LEKR1: variants seen among roughly 807,000 people sequenced by gnomAD.
LEKR1 encodes leucine, glutamate and lysine rich 1.
In LEKR1, 59 loss-of-function variants were observed where a neutral mutation model predicts 72.4. The ratio of observed to expected loss-of-function variants is 0.82; its 90% CI spans 0.66 to 1.01. The LOEUF is 1.01. Among genes scored for constraint, LEKR1 ranks in the 50% least tolerant of loss-of-function variants. The probability of loss-of-function intolerance (pLI) is 0.00; values close to 1 mark genes in which losing one functional copy is unlikely to be tolerated. For synonymous variants in LEKR1, 257 were observed against 263.2 expected, an observed-to-expected ratio of 0.98 and a Z score of 0.23; for missense variants, 728 against 759.2, an observed-to-expected ratio of 0.96 and a Z score of 0.48.
intron 11 of LEKR1, among the ~76,000 whole-genome samples, chr3:157,025,872 A>AG (rs1178933997): frequency 6.6e-6 from 1 of 150,736 alleles, no homozygotes; most frequent in Non-Finnish European, 1.5e-5. Flanking sequence ...AAAAAAAAAA[A>AG]AGACTTAATT....
At position 156,926,777 on chromosome 3, in the gene LEKR1, A is replaced by T. The variant is rs1322677106; in HGVS notation, c.384-652A>T. On this transcript the variant is annotated intron_variant, in intron 4 of 12. Transcript: ENST00000356539. ...GATAGATATAACCTCTGCCTTATAG[A>T]TCTTAGTCTACTCAGGGATGTAAAT... 2.0e-5 allele frequency among the ~76,000 whole-genome samples: 3 copies of T among 152,048 alleles called. No homozygotes were observed. The South Asian group carries it at 6.2e-4, about 32-fold the overall frequency.
chr3:156,856,443 A>G (rs190797264), intron 3 of LEKR1, among the ~76,000 whole-genome samples: 5 of 152,234 alleles, frequency 3.3e-5, no homozygotes, highest in African/African-American at 1.2e-4. Flanking sequence ...TCTTTTCTGG[A>G]CGAACTCTAG....
At chr3:156,917,933 C>T (rs902709660) in intron 3 of LEKR1, among the ~76,000 whole-genome samples, 57 of 152,068 alleles carry the variant, frequency 3.7e-4, no homozygotes, top group African/African-American at 1.3e-3. Flanking sequence ...AAGGCTACCT[C>T]CTGGTAAAGA....
chr3:156,929,466 T>A (rs112707752), intron 5 of LEKR1, among the ~76,000 whole-genome samples: 6,186 of 152,246 alleles, frequency 0.041, 146 homozygotes, highest in Admixed American at 0.059. Context: ...GTGGGATTAA[T>A]TCTCCATGAA....
chr3:156,980,581 C>T (rs779082045), intron 7 of LEKR1, among the ~76,000 whole-genome samples: 1 of 151,366 alleles, frequency 6.6e-6, no homozygotes, highest in Non-Finnish European at 1.5e-5. Context: ...AAAAAAAAAT[C>T]GTTGTTGCTG....
rs1345503380 is a variant in LEKR1, at chr3:156,993,220, T to G, written c.1052T>G (p.Ile351Arg). The G allele has an allele frequency of 3.1e-6, 5 of 1,612,272 alleles. No individual in the cohort carries two copies. Among genetic ancestry groups the G allele is most frequent in the Non-Finnish European group, 4.2e-6 (5 of 1,179,228 alleles). Residue 351 changes from isoleucine to arginine, a missense_variant, in exon 9 of 13, where the codon ATA (isoleucine) becomes AGA (arginine). By Grantham distance (97) the Ile-to-Arg change is moderately conservative. Coordinates refer to ENST00000356539, the MANE Select transcript of LEKR1 (RefSeq NM_001004316.3). ...RINLAENELE[I>R]TKTLLNQTRE... ...AACCTTGCAGAAAATGAACTGGAGA[T>G]AACCAAAACTCTTCTGAATCAGACA... is the stretch of plus-strand genomic sequence containing the variant.
intron 3 of LEKR1, among the ~76,000 whole-genome samples, chr3:156,906,077 C>T (rs1387370215): frequency 2.0e-5 from 3 of 151,978 alleles, no homozygotes; most frequent in Non-Finnish European, 4.4e-5. Flanking sequence ...AGGAGCTTGA[C>T]AAAAAAGAGT....
At position 157,017,948 on chromosome 3, in the gene LEKR1, C is replaced by CAAA. The variant is rs58950224; in HGVS notation, c.1203+6464_1203+6466dup. Among the ~76,000 whole-genome samples the CAAA allele has an allele frequency of 2.2e-3, 180 of 82,966 alleles. 2 individuals are homozygous for CAAA. The highest frequency in any genetic ancestry group is 0.011 in the African/African-American group (156 of 13,806). The allele number at this position is 82,966 out of a possible 152,430, so 54.4% of individuals were successfully genotyped here. On this transcript the variant is annotated intron_variant, in intron 10 of 12. Transcript: ENST00000356539. The stretch of plus-strand genomic sequence containing the variant: ...TGGGCCACAGAGCGAGACTCTGTCT[C>CAAA]AAAAAAAAAAAAAAAAAAAAAAAAG...
chr3:156,867,405 A>G (rs1216882092), intron 3 of LEKR1, among the ~76,000 whole-genome samples: 1 of 152,068 alleles, frequency 6.6e-6, no homozygotes, highest in Non-Finnish European at 1.5e-5. Flanking sequence ...TACAATTTTG[A>G]TATAGATTTG....
intron 4 of LEKR1, among the ~76,000 whole-genome samples, chr3:156,926,715 G>A (rs1362913918): frequency 6.6e-6 from 1 of 151,902 alleles, no homozygotes; most frequent in Non-Finnish European, 1.5e-5. Flanking sequence ...TATGCAGTAG[G>A]CACTGTGCTA....
At position 156,897,963 on chromosome 3, in the gene LEKR1, A is replaced by G. The variant is rs557132270; in HGVS notation, c.264-22612A>G. On this transcript the variant is annotated intron_variant, in intron 3 of 12. Transcript: ENST00000356539. Reference sequence around the variant, plus strand: ...GCAAGACTCTGTCTCCAAAAAAAAAAAAAAAAGAAATTGTGGAGACCAGGG... The same window carrying G: ...GCAAGACTCTGTCTCCAAAAAAAAAGAAAAAAGAAATTGTGGAGACCAGGG... Among the ~76,000 whole-genome samples, 29 of 152,198 alleles carry G rather than the reference A, an allele frequency of 1.9e-4. 1 individual carries two copies. In the South Asian group the frequency reaches 3.1e-3, roughly 16 times the overall value.
At chr3:156,990,044 A>G (rs1002521710) in intron 7 of LEKR1, among the ~76,000 whole-genome samples, 9 of 152,198 alleles carry the variant, frequency 5.9e-5, no homozygotes, top group African/African-American at 2.4e-5. Flanking sequence ...ACAGGATCCA[A>G]TCTGGAGTTA....
chr3:156,966,842 C>A (rs1728652569), intron 6 of LEKR1, among the ~76,000 whole-genome samples: 1 of 152,172 alleles, frequency 6.6e-6, no homozygotes, highest in Non-Finnish European at 1.5e-5. Flanking sequence ...CAAGTGGGTC[C>A]CTGACCTCCA....
intron 7 of LEKR1, among the ~76,000 whole-genome samples, chr3:156,984,631 T>C (rs1173069776): frequency 6.6e-6 from 1 of 152,078 alleles, no homozygotes; most frequent in East Asian, 1.9e-4. Context: ...GAGCCAAGAT[T>C]GCGACACTGC....
chr3:157,046,086 A>G lies in LEKR1; in HGVS notation c.*336A>G. 1 of 213,712 alleles carries G rather than the reference A, an allele frequency of 4.7e-6. No homozygotes were observed. Among genetic ancestry groups the G allele is most frequent in the East Asian group, 1.0e-4 (1 of 9,794 alleles). 13.2% of individuals were successfully genotyped at this position (213,712 alleles called of 1,614,324 possible). On this transcript the variant is annotated 3_prime_UTR_variant, in exon 13 of 13. Transcript: ENST00000356539. ...CATCTTTTCAATTTCTTGCGCCACTACAAGCAGATATATTTCCACAAAAAA... is the reference window on the plus strand; with the variant it reads ...CATCTTTTCAATTTCTTGCGCCACTGCAAGCAGATATATTTCCACAAAAAA...
intron 10 of LEKR1, among the ~76,000 whole-genome samples, chr3:157,020,024 T>C (rs1194915747): frequency 1.3e-5 from 2 of 152,144 alleles, no homozygotes; most frequent in Non-Finnish European, 2.9e-5. Context: ...AGTCAATCAT[T>C]CTTCTCCCTT....
chr3:157,018,950 C>T (rs985435248), intron 10 of LEKR1, among the ~76,000 whole-genome samples: 10 of 152,138 alleles, frequency 6.6e-5, no homozygotes, highest in Non-Finnish European at 1.0e-4. Context: ...ATTCTGATTC[C>T]TTAGCATTCA....
At chr3:156,967,048 C>T (rs1178083207) in intron 6 of LEKR1, among the ~76,000 whole-genome samples, 2 of 152,352 alleles carry the variant, frequency 1.3e-5, no homozygotes, top group East Asian at 1.9e-4. Flanking sequence ...CAAACTCCAA[C>T]AGACCTGCAG....
intron 3 of LEKR1, among the ~76,000 whole-genome samples, chr3:156,861,121 A>G (rs887329282): frequency 2.6e-5 from 4 of 152,196 alleles, no homozygotes; most frequent in African/African-American, 9.6e-5. Context: ...AAGAAAAGGA[A>G]ACAGACACTA....
Sources: gnomAD v4.1 joint callset for allele counts (sites outside exome capture counted in the v4.1 genomes callset) on GRCh38, gnomAD v4.1.1 for gene constraint, MANE v1.5 for transcripts, NCBI Gene and HGNC (gene_info 2026-07-23, HGNC 2026-07-21) for gene names.